The following GSK3B variants were observed in gnomAD, a reference collection of about 807,000 sequenced individuals.
The protein encoded by GSK3B is glycogen synthase kinase-3 beta.
In GSK3B, 15 loss-of-function variants were observed where a neutral mutation model predicts 56.4. The observed-to-expected ratio is 0.27, with a 90% CI of 0.18 to 0.41. The LOEUF is 0.41. Among genes scored for constraint, GSK3B ranks in the 10% least tolerant of loss-of-function variants. GSK3B has a pLI of 1.00. For missense variants in GSK3B, 300 were observed against 513.4 expected, an observed-to-expected ratio of 0.58 and a Z score of 4.02; for synonymous variants, 181 against 188.9, an observed-to-expected ratio of 0.96 and a Z score of 0.34.
intron 1 of GSK3B, among the ~76,000 whole-genome samples, chr3:120,058,702 T>G (rs1559895060): frequency 6.6e-6 from 1 of 152,150 alleles, no homozygotes; most frequent in Non-Finnish European, 1.5e-5. Context: ...AGGATTATTA[T>G]GAGGACTGTG....
At chr3:119,882,634 T>C (rs2056392578) in intron 7 of GSK3B, among the ~76,000 whole-genome samples, 1 of 152,200 alleles carries the variant, frequency 6.6e-6, no homozygotes, top group Non-Finnish European at 1.5e-5. Context: ...GTTTTTTACA[T>C]ACCTTGAATC....
Position 119,826,544 on chromosome 3 carries a change from C to T in GSK3B, c.*244G>A. The T allele has an allele frequency of 1.7e-6, 1 of 597,204 alleles. No homozygotes were observed. The highest frequency in any genetic ancestry group is 3.0e-6 in the Non-Finnish European group (1 of 330,694). 37.0% of individuals were successfully genotyped at this position (597,204 alleles called of 1,614,324 possible). ...TTGTATGTTCTAGTGCTCCGCTTTC[C>T]CCCTCCCCACAACCCCTCCCACCCC... On this transcript the variant is annotated 3_prime_UTR_variant, in exon 11 of 11. Coordinates refer to ENST00000264235, the MANE Select transcript of GSK3B (RefSeq NM_001146156.2).
At chr3:119,921,119 A>G (rs1353327175) in intron 4 of GSK3B, among the ~76,000 whole-genome samples, 1 of 152,266 alleles carries the variant, frequency 6.6e-6, no homozygotes, top group South Asian at 2.1e-4. Flanking sequence ...TAAGACTCAC[A>G]TAAGATACTT....
intron 8 of GSK3B, among the ~76,000 whole-genome samples, chr3:119,865,696 C>A: frequency 6.6e-6 from 1 of 151,528 alleles, no homozygotes; most frequent in Non-Finnish European, 1.5e-5. Context: ...GTCTCCATCT[C>A]CTGACCTCAT....
At chr3:119,832,989 C>T in intron 10 of GSK3B, 1 of 983,688 alleles carries the variant, frequency 1.0e-6, no homozygotes, top group South Asian at 4.7e-5. Context: ...CTCAAGAGAT[C>T]TGTAAGAGTT....
chr3:120,072,117 T>TA (rs1195416652), intron 1 of GSK3B, among the ~76,000 whole-genome samples: 1 of 152,184 alleles, frequency 6.6e-6, no homozygotes, highest in Non-Finnish European at 1.5e-5. Context: ...GAGAGTCAAT[T>TA]ATACTATATC....
At chr3:119,895,512 T>C (rs1422003246) in intron 7 of GSK3B, among the ~76,000 whole-genome samples, 3 of 152,204 alleles carry the variant, frequency 2.0e-5, no homozygotes, top group African/African-American at 4.8e-5. Context: ...TTTTCCATAA[T>C]GGTTGTACTA....
intron 10 of GSK3B, chr3:119,833,084 C>T (rs1288751575): frequency 1.8e-6 from 1 of 559,212 alleles, no homozygotes; most frequent in African/African-American, 2.0e-5. Context: ...GTCATAAACG[C>T]AGAATTTCTT....
chr3:120,021,408 CG>C (rs112988993), intron 1 of GSK3B, among the ~76,000 whole-genome samples: 4 of 151,096 alleles, frequency 2.6e-5, no homozygotes, highest in African/African-American at 9.7e-5. Flanking sequence ...CCCAGCTACT[CG>C]GGAGGCTGAG....
At chr3:120,011,716 C>T (rs528830301) in intron 1 of GSK3B, among the ~76,000 whole-genome samples, 195 of 152,204 alleles carry the variant, frequency 1.3e-3, no homozygotes, top group South Asian at 6.2e-3. Context: ...TGCCATGGGT[C>T]GGTCAGCAAC....
At chr3:119,990,094 T>C (rs137873056) in intron 2 of GSK3B, among the ~76,000 whole-genome samples, 138 of 152,194 alleles carry the variant, frequency 9.1e-4, no homozygotes, top group Non-Finnish European at 1.6e-3. Flanking sequence ...AGCATGACCA[T>C]AAACCACAAA....
chr3:120,058,650 A>G (rs2058210686), intron 1 of GSK3B, among the ~76,000 whole-genome samples: 1 of 152,032 alleles, frequency 6.6e-6, no homozygotes, highest in Non-Finnish European at 1.5e-5. Context: ...TCTAAACTCA[A>G]TTTTCTTATT....
At chr3:119,927,915 T>C (rs2056903606) in intron 3 of GSK3B, among the ~76,000 whole-genome samples, 1 of 152,080 alleles carries the variant, frequency 6.6e-6, no homozygotes, top group East Asian at 1.9e-4. Context: ...AAAGTGGAAA[T>C]TTCTATAAGG....
intron 8 of GSK3B, among the ~76,000 whole-genome samples, chr3:119,871,000 C>G (rs1034625751): frequency 6.6e-6 from 1 of 152,072 alleles, no homozygotes; most frequent in African/African-American, 2.4e-5. Flanking sequence ...CCCTCTAGGC[C>G]TCTCTGAAGG....
chr3:119,826,820 C>G lies in GSK3B; in HGVS notation c.1231G>C (p.Ala411Pro). The change falls in exon 11 of 11, where the codon GCT becomes CCT. Residue 411 changes from alanine (A) to proline (P), a missense_variant. This residue lies in a region of GSK3B where 88 missense variants were observed against 92.7 expected (regional missense o/e 0.95). Transcript: ENST00000264235. ...NTGDRGQTNNAASASASNST is the reference protein window; with the variant it reads ...NTGDRGQTNNPASASASNST ...GAGTTGGAAGCTGATGCAGAAGCAG[C>G]ATTATTGGTCTGTCCACGGTCTCCA... 2.5e-6 allele frequency: 4 copies of G among 1,613,090 alleles called. No homozygotes were observed. The highest frequency in any genetic ancestry group is 3.4e-6 in the Non-Finnish European group (4 of 1,179,044).
chr3:120,074,615 G>A (rs2058354497), intron 1 of GSK3B, among the ~76,000 whole-genome samples: 1 of 151,948 alleles, frequency 6.6e-6, no homozygotes, highest in Non-Finnish European at 1.5e-5. Flanking sequence ...CACACCCAGC[G>A]CTGAGAAACT....
intron 9 of GSK3B, among the ~76,000 whole-genome samples, chr3:119,845,085 G>A (rs1374740565): frequency 6.6e-6 from 1 of 152,142 alleles, no homozygotes; most frequent in East Asian, 1.9e-4. Context: ...AATAGATGTG[G>A]CGAAGGCCTT....
intron 2 of GSK3B, among the ~76,000 whole-genome samples, chr3:119,968,637 C>G (rs1488627904): frequency 6.6e-6 from 1 of 152,076 alleles, no homozygotes. Context: ...AAAAACTCTA[C>G]AGCTAACATC....
intron 1 of GSK3B, among the ~76,000 whole-genome samples, chr3:120,062,364 C>T (rs770338677): frequency 6.6e-6 from 1 of 152,184 alleles, no homozygotes; most frequent in Non-Finnish European, 1.5e-5. Flanking sequence ...TACACTCTCA[C>T]TCCATCCTAA....
Sources: allele counts gnomAD v4.1 joint callset (sites outside exome capture counted in the v4.1 genomes callset), GRCh38; gene constraint gnomAD v4.1.1; regional missense constraint gnomAD v4.1.1; transcripts MANE v1.5; gene names NCBI Gene and HGNC (gene_info 2026-07-23, HGNC 2026-07-21).